SPOCK1: variants seen among roughly 807,000 people sequenced by gnomAD.
SPOCK1 encodes SPARC (osteonectin), cwcv and kazal like domains proteoglycan 1, also known as testican-1.
In SPOCK1, 23 loss-of-function variants were observed where a neutral mutation model predicts 55.3. The ratio of observed to expected loss-of-function variants is 0.42; its 90% CI spans 0.30 to 0.59. SPOCK1 has a LOEUF of 0.59. SPOCK1 is among the 20% of genes least tolerant of loss of function. SPOCK1 has a pLI of 0.22. For synonymous variants in SPOCK1, 226 were observed against 221.0 expected (o/e 1.02, Z -0.20); for missense variants, 499 against 552.5 (o/e 0.90, Z 0.97).
chr5:137,036,958 G>T (rs184659792), intron 6 of SPOCK1, among the ~76,000 whole-genome samples: 1 of 152,068 alleles, frequency 6.6e-6, no homozygotes, highest in East Asian at 1.9e-4. Context: ...TTACCAGCCC[G>T]GCAGCCCTGG....
chr5:137,387,422 CTG>C lies in SPOCK1; in HGVS notation c.186+110949_186+110950del, dbSNP rs767493429. On this transcript the variant is annotated intron_variant, in intron 2 of 10. Transcript: ENST00000394945. ...AAGATATCTTTCAGTAGGTGATAAA[CTG>C]TGATATATCCAGACAATGGGATATT... Among the ~76,000 whole-genome samples the C allele has an allele frequency of 1.5e-3, 231 of 152,300 alleles. 5 individuals are homozygous for C. Among genetic ancestry groups the C allele is most frequent in the Admixed American group, 8.5e-4 (13 of 15,300 alleles).
chr5:137,472,782 A>G (rs1469493419), intron 2 of SPOCK1, among the ~76,000 whole-genome samples: 1 of 152,250 alleles, frequency 6.6e-6, no homozygotes, highest in Non-Finnish European at 1.5e-5. Context: ...CAACTTTCAA[A>G]AAGAAAAAGA....
chr5:137,104,718 T>C (rs1399873744), intron 5 of SPOCK1, among the ~76,000 whole-genome samples: 2 of 152,224 alleles, frequency 1.3e-5, no homozygotes, highest in Non-Finnish European at 1.5e-5. Context: ...GAGAATCTAA[T>C]GCCTGATGAT....
intron 5 of SPOCK1, among the ~76,000 whole-genome samples, chr5:137,085,703 AC>A (rs1290871190): frequency 6.6e-6 from 1 of 152,220 alleles, no homozygotes; most frequent in Admixed American, 6.5e-5. Context: ...GATGACAGAA[AC>A]TGAGTAATAA....
At chr5:137,325,798 G>A (rs1294047846) in intron 2 of SPOCK1, among the ~76,000 whole-genome samples, 1 of 152,202 alleles carries the variant, frequency 6.6e-6, no homozygotes, top group Non-Finnish European at 1.5e-5. Context: ...ATGGGCAGTG[G>A]TAGTTTACAC....
At chr5:137,213,816 G>C (rs535089322) in intron 3 of SPOCK1, among the ~76,000 whole-genome samples, 1 of 152,300 alleles carries the variant, frequency 6.6e-6, no homozygotes, top group Admixed American at 6.5e-5. Flanking sequence ...CCCATCTGGG[G>C]TTGCTGTTGT....
intron 2 of SPOCK1, among the ~76,000 whole-genome samples, chr5:137,282,235 A>G (rs1026775079): frequency 5.9e-5 from 9 of 152,242 alleles, no homozygotes; most frequent in Non-Finnish European, 8.8e-5. Flanking sequence ...CTGGATTAGT[A>G]TATTTGTGAT....
At chr5:137,150,068 T>C (rs1319312048) in intron 3 of SPOCK1, among the ~76,000 whole-genome samples, 1 of 152,120 alleles carries the variant, frequency 6.6e-6, no homozygotes, top group African/African-American at 2.4e-5. Context: ...ATACAGAAAA[T>C]GGATGTCCAC....
chr5:137,108,183 C>T (rs767241412), intron 5 of SPOCK1, among the ~76,000 whole-genome samples: 4 of 152,100 alleles, frequency 2.6e-5, no homozygotes, highest in Non-Finnish European at 4.4e-5. Context: ...CTTTTTGAAC[C>T]TCAATAAATA....
chr5:136,979,139 T>C (rs1344220102), intron 10 of SPOCK1, among the ~76,000 whole-genome samples, 193 bp downstream of exon 10: 3 of 152,192 alleles, frequency 2.0e-5, no homozygotes, highest in African/African-American at 7.2e-5. Context: ...TCTTCTCTGG[T>C]CATAGTGAGT....
chr5:137,462,353 A>G (rs1444333978), intron 2 of SPOCK1, among the ~76,000 whole-genome samples: 1 of 152,222 alleles, frequency 6.6e-6, no homozygotes, highest in Non-Finnish European at 1.5e-5. Context: ...CCATTCAGGC[A>G]TTCAGCCCAA....
intron 3 of SPOCK1, among the ~76,000 whole-genome samples, chr5:137,226,724 C>T (rs1223661086): frequency 6.6e-6 from 1 of 152,194 alleles, no homozygotes; most frequent in East Asian, 1.9e-4. Flanking sequence ...GTTCCCTCTG[C>T]GTGGAAGATG....
intron 5 of SPOCK1, among the ~76,000 whole-genome samples, chr5:137,092,620 G>A (rs1464192264): frequency 6.6e-6 from 1 of 152,212 alleles, no homozygotes; most frequent in African/African-American, 2.4e-5. Flanking sequence ...AATTCCATGA[G>A]GACAGAGACG....
intron 4 of SPOCK1, among the ~76,000 whole-genome samples, chr5:137,129,106 G>A (rs900628966): frequency 5.3e-5 from 8 of 152,164 alleles, no homozygotes; most frequent in East Asian, 3.9e-4. Flanking sequence ...TGAGAGCTGC[G>A]CATGTCCTCA....
chr5:137,483,126 A>G (rs2149842989), intron 2 of SPOCK1, among the ~76,000 whole-genome samples: 1 of 152,310 alleles, frequency 6.6e-6, no homozygotes, highest in African/African-American at 2.4e-5. Context: ...TGAGGTCAGG[A>G]GTTTGACACC....
At chr5:136,993,557 G>A (rs1231936831) in intron 6 of SPOCK1, among the ~76,000 whole-genome samples, 1 of 152,158 alleles carries the variant, frequency 6.6e-6, no homozygotes, top group Non-Finnish European at 1.5e-5. Context: ...AAGATCTGAG[G>A]AGTCAAAATT....
At chr5:137,419,413 T>C (rs1485691126) in intron 2 of SPOCK1, among the ~76,000 whole-genome samples, 2 of 152,200 alleles carry the variant, frequency 1.3e-5, no homozygotes, top group Non-Finnish European at 2.9e-5. Flanking sequence ...TTTCACGATA[T>C]TGATTCTTCC....
intron 3 of SPOCK1, among the ~76,000 whole-genome samples, chr5:137,219,047 T>A (rs1755796426): frequency 6.6e-6 from 1 of 152,178 alleles, no homozygotes; most frequent in African/African-American, 2.4e-5. Flanking sequence ...AAACCTGTTT[T>A]ATACAAAGCT....
chr5:137,072,769 C>A (rs138298163), intron 5 of SPOCK1, among the ~76,000 whole-genome samples: 48 of 152,340 alleles, frequency 3.2e-4, no homozygotes, highest in African/African-American at 1.2e-3. Context: ...AAATTGCTTT[C>A]TCCACTGTAT....
Sources: allele counts gnomAD v4.1 joint callset (sites outside exome capture counted in the v4.1 genomes callset), GRCh38; gene constraint gnomAD v4.1.1; transcripts MANE v1.5; gene names NCBI Gene and HGNC (gene_info 2026-07-23, HGNC 2026-07-21).